The following EXOC6B variants were observed in gnomAD, a reference collection of about 807,000 sequenced individuals.
EXOC6B encodes exocyst complex component 6B, also known as SEC15 homolog B.
A neutral mutation model predicts 113.5 loss-of-function variants in EXOC6B; 54 were observed. The observed-to-expected ratio is 0.48, with a 90% CI of 0.38 to 0.60. The LOEUF is 0.60. Ranked by LOEUF, EXOC6B falls within the 20% of genes least tolerant of loss-of-function variation. The pLI, the probability that EXOC6B is intolerant of heterozygous loss-of-function variation, is 0.00. For missense variants in EXOC6B, 797 were observed against 977.5 expected, an observed-to-expected ratio of 0.82 and a Z score of 2.46; for synonymous variants, 357 against 339.0, an observed-to-expected ratio of 1.05 and a Z score of -0.58.
In EXOC6B at chr2:72,373,676, C is replaced by T. The variant is rs1049379685; in HGVS notation, c.2122+6053G>A. Among the ~76,000 whole-genome samples, 5 of 152,242 alleles carry T rather than the reference C, an allele frequency of 3.3e-5. No homozygotes were observed. In the South Asian group the frequency reaches 6.2e-4, roughly 19 times the overall value. On this transcript the variant is annotated intron_variant, in intron 19 of 21. Transcript: ENST00000272427. ...TATATGAAAAGGTGCTCAACATAATCGATCATTAGAGAAATGTAAATCAAA... is the reference window on the plus strand; with the variant it reads ...TATATGAAAAGGTGCTCAACATAATTGATCATTAGAGAAATGTAAATCAAA...
chr2:72,687,137 CA>C (rs60068783), intron 6 of EXOC6B, among the ~76,000 whole-genome samples: 29,051 of 125,370 alleles, frequency 0.23, 4,870 homozygotes, highest in African/African-American at 0.5. Flanking sequence ...GACTGTGTCT[CA>C]AAAAAAAAAA....
chr2:72,373,064 CTT>C (rs79852175), intron 19 of EXOC6B, among the ~76,000 whole-genome samples: 30 of 136,300 alleles, frequency 2.2e-4, no homozygotes, highest in Admixed American at 2.2e-4. Context: ...TCTCGGAAGA[CTT>C]TTTTTTTTTT....
At chr2:72,415,933 C>T (rs529103058) in intron 18 of EXOC6B, among the ~76,000 whole-genome samples, 18 of 152,244 alleles carry the variant, frequency 1.2e-4, no homozygotes, top group African/African-American at 4.3e-4. Flanking sequence ...TTGACCAATA[C>T]GGTAGTGACT....
intron 19 of EXOC6B, among the ~76,000 whole-genome samples, chr2:72,378,708 T>C (rs1450055441): frequency 6.6e-6 from 1 of 152,144 alleles, no homozygotes; most frequent in Non-Finnish European, 1.5e-5. Context: ...AGTAGTAAAA[T>C]AAAAATGTGG....
intron 18 of EXOC6B, among the ~76,000 whole-genome samples, chr2:72,441,974 A>T (rs1258620031): frequency 6.6e-6 from 1 of 152,230 alleles, no homozygotes; most frequent in Non-Finnish European, 1.5e-5. Context: ...GGCCAATATC[A>T]TTGATGAACA....
At chr2:72,210,395 C>T (rs553477246) in intron 20 of EXOC6B, among the ~76,000 whole-genome samples, 7 of 152,262 alleles carry the variant, frequency 4.6e-5, no homozygotes, top group Middle Eastern at 3.4e-3. Context: ...ATGTGAAGTA[C>T]GGTAGGGATC....
intron 18 of EXOC6B, among the ~76,000 whole-genome samples, chr2:72,429,663 G>T (rs911651687): frequency 6.6e-6 from 1 of 152,304 alleles, no homozygotes. Context: ...GCGATGTTGG[G>T]CAATGCCTGG....
chr2:72,564,741 C>G (rs991211074), intron 7 of EXOC6B, among the ~76,000 whole-genome samples: 1 of 152,250 alleles, frequency 6.6e-6, no homozygotes, highest in African/African-American at 2.4e-5. Context: ...GAAACACCAA[C>G]AAACTGGAAG....
intron 8 of EXOC6B, among the ~76,000 whole-genome samples, chr2:72,548,688 T>C (rs1274049684): frequency 6.6e-6 from 1 of 152,210 alleles, no homozygotes; most frequent in African/African-American, 2.4e-5. Context: ...TATTACATAC[T>C]ACTAATACTA....
intron 18 of EXOC6B, chr2:72,464,889 T>C (rs556147484): frequency 9.2e-5 from 37 of 402,902 alleles, no homozygotes; most frequent in African/African-American, 4.9e-4. Context: ...AAGGCTTTTA[T>C]ATTGTCTTTG....
intron 6 of EXOC6B, among the ~76,000 whole-genome samples, chr2:72,701,792 A>G (rs578236670): frequency 1.6e-4 from 25 of 152,260 alleles, no homozygotes; most frequent in African/African-American, 5.8e-4. Context: ...TAGCCAGAAC[A>G]TATCTTAACC....
rs113079649 is a variant in EXOC6B at position 72,663,148 on chromosome 2, T to C, written c.669+54955A>G. On this transcript the variant is annotated intron_variant, in intron 6 of 21. Transcript: ENST00000272427. ...CCAAATGCCAATCAACAGCCAATTC[T>C]ATAAACAACTTGTAATACATCCTTA... 3.2e-4 allele frequency among the ~76,000 whole-genome samples: 48 copies of C among 152,350 alleles called. 1 individual carries two copies. Among genetic ancestry groups the C allele is most frequent in the African/African-American group, 9.9e-4 (41 of 41,576 alleles).
At chr2:72,823,780 CAA>C (rs780964417) in intron 1 of EXOC6B, among the ~76,000 whole-genome samples, 5 of 137,406 alleles carry the variant, frequency 3.6e-5, no homozygotes, top group Non-Finnish European at 3.2e-5. Flanking sequence ...GACCCTGTCC[CAA>C]AAAAAAAAAA....
At chr2:72,408,920 T>C (rs1693978229) in intron 18 of EXOC6B, among the ~76,000 whole-genome samples, 1 of 151,842 alleles carries the variant, frequency 6.6e-6, no homozygotes, top group South Asian at 2.1e-4. Flanking sequence ...AACATCAGAG[T>C]GAACAGGCAA....
chr2:72,333,825 A>T (rs1688538559), intron 20 of EXOC6B, among the ~76,000 whole-genome samples: 1 of 152,114 alleles, frequency 6.6e-6, no homozygotes, highest in South Asian at 2.1e-4. Flanking sequence ...TTGTCATCAG[A>T]TGACAGATTA....
intron 19 of EXOC6B, among the ~76,000 whole-genome samples, chr2:72,369,033 T>C (rs1025968639): frequency 5.3e-5 from 8 of 152,062 alleles, no homozygotes; most frequent in Admixed American, 5.2e-4. Context: ...GGCAGGAGAA[T>C]GAATTAAAGG....
chr2:72,396,864 T>G (rs1415021657), intron 18 of EXOC6B, among the ~76,000 whole-genome samples: 3 of 152,152 alleles, frequency 2.0e-5, no homozygotes, highest in Non-Finnish European at 4.4e-5. Context: ...ATAAGAATCT[T>G]TGTAATAACA....
chr2:72,548,072 A>G (rs1345608934), intron 8 of EXOC6B, among the ~76,000 whole-genome samples: 1 of 152,094 alleles, frequency 6.6e-6, no homozygotes, highest in Non-Finnish European at 1.5e-5. Context: ...ATCAAAGACC[A>G]TGTCTCAATT....
At chr2:72,679,624 T>C (rs941390047) in intron 6 of EXOC6B, among the ~76,000 whole-genome samples, 1 of 152,148 alleles carries the variant, frequency 6.6e-6, no homozygotes, top group Non-Finnish European at 1.5e-5. Flanking sequence ...GGCATAAAGT[T>C]GTAAAATGAA....
Sources: allele counts gnomAD v4.1 joint callset (sites outside exome capture counted in the v4.1 genomes callset), GRCh38; gene constraint gnomAD v4.1.1; transcripts MANE v1.5; gene names NCBI Gene and HGNC (gene_info 2026-07-23, HGNC 2026-07-21).